Variants in CNGB3 observed in about 807,000 individuals in gnomAD.
CNGB3 encodes the protein cyclic nucleotide-gated channel beta-3.
In CNGB3, 86 loss-of-function variants were observed where a neutral mutation model predicts 92.8. That is an observed-to-expected ratio of 0.93 (90% CI 0.78 to 1.11). The LOEUF (loss-of-function observed/expected upper bound fraction) is 1.11, where lower values mean the gene tolerates loss of function less well. Ranked by LOEUF, CNGB3 falls within the 50% of genes least tolerant of loss-of-function variation. The pLI, the probability that CNGB3 is intolerant of heterozygous loss-of-function variation, is 0.00. For missense variants in CNGB3, 1,026 were observed against 956.8 expected, an observed-to-expected ratio of 1.07 and a Z score of -0.95; for synonymous variants, 333 against 332.7, an observed-to-expected ratio of 1.00 and a Z score of -0.01.
chr8:86,635,820 TGATATATATATATATATA>T (rs1476788644), intron 10 of CNGB3, among the ~76,000 whole-genome samples: 1 of 62,136 alleles, frequency 1.6e-5, no homozygotes, highest in Non-Finnish European at 3.0e-5. Flanking sequence ...GTATAACACA[TGATATATATATATATATA>T]TATATATATA....
In CNGB3 at chr8:86,726,576, A is replaced by G; in HGVS notation, c.293T>C (p.Val98Ala). Residue 98 changes from valine (V) to alanine (A), a missense_variant, in exon 3 of 18, where the codon GTG becomes GCG. By Grantham distance (64) the Val-to-Ala change is moderately conservative. Transcript: ENST00000320005. ...PQNAAEPTGTVPEQKEMDPGK... is the reference protein window; with the variant it reads ...PQNAAEPTGTAPEQKEMDPGK... Reference sequence around the variant, plus strand: ...GGGGTCCATTTCCTTCTGCTCTGGCACTGTTCCAGTTGGTTCTGCTGCATT... The same window carrying G: ...GGGGTCCATTTCCTTCTGCTCTGGCGCTGTTCCAGTTGGTTCTGCTGCATT... 6.2e-7 allele frequency: 1 copy of G among 1,613,762 alleles called. No individual in the cohort carries two copies. The highest frequency in any genetic ancestry group is 2.2e-5 in the East Asian group (1 of 44,882).
At chr8:86,681,127 T>A (rs941205458) in intron 3 of CNGB3, among the ~76,000 whole-genome samples, 2 of 152,164 alleles carry the variant, frequency 1.3e-5, no homozygotes, top group Middle Eastern at 3.4e-3. Context: ...AAAACAAATT[T>A]AAAAACCCCA....
chr8:86,701,239 C>G (rs1220376002), intron 3 of CNGB3, among the ~76,000 whole-genome samples: 1 of 152,096 alleles, frequency 6.6e-6, no homozygotes, highest in Non-Finnish European at 1.5e-5. Flanking sequence ...TTAGAAAAAT[C>G]TCTTTGGCAA....
At chr8:86,739,988 C>G (rs1361690276) in intron 1 of CNGB3, among the ~76,000 whole-genome samples, 1 of 152,164 alleles carries the variant, frequency 6.6e-6, no homozygotes, top group Admixed American at 6.5e-5. Context: ...CACATTCCTT[C>G]AATTGTGGTC....
At chr8:86,688,421 A>G (rs977427667) in intron 3 of CNGB3, among the ~76,000 whole-genome samples, 32 of 152,168 alleles carry the variant, frequency 2.1e-4, no homozygotes, top group African/African-American at 7.5e-4. Context: ...GCAGCATGAT[A>G]TTGAGACCCC....
At chr8:86,691,581 A>G (rs1294114103) in intron 3 of CNGB3, among the ~76,000 whole-genome samples, 1 of 151,868 alleles carries the variant, frequency 6.6e-6, no homozygotes, top group Non-Finnish European at 1.5e-5. Context: ...AGTATCTCCC[A>G]TTTTGTTTCT....
intron 1 of CNGB3, among the ~76,000 whole-genome samples, chr8:86,739,953 G>T (rs1017050592): frequency 6.6e-6 from 1 of 152,162 alleles, no homozygotes; most frequent in Non-Finnish European, 1.5e-5. Flanking sequence ...GGTTTTTTCA[G>T]TGTGGATTCT....
intron 15 of CNGB3, among the ~76,000 whole-genome samples, chr8:86,598,168 A>C (rs1367395224): frequency 6.6e-6 from 1 of 152,174 alleles, no homozygotes; most frequent in African/African-American, 2.4e-5. Context: ...TTTAAGTGGG[A>C]GGGCAGTGAT....
At chr8:86,697,506 A>T (rs10103931) in intron 3 of CNGB3, among the ~76,000 whole-genome samples, 14,470 of 152,170 alleles carry the variant, frequency 0.095, 1,498 homozygotes, top group African/African-American at 0.26. Context: ...CTTGCTATGA[A>T]TTCACTGGTA....
At chr8:86,680,720 C>G (rs949924348) in intron 3 of CNGB3, among the ~76,000 whole-genome samples, 8 of 151,984 alleles carry the variant, frequency 5.3e-5, no homozygotes, top group South Asian at 4.1e-4. Flanking sequence ...CAGTGGTTTT[C>G]CCTCATAGTG....
chr8:86,624,748 C>T (rs1380024483), intron 13 of CNGB3, among the ~76,000 whole-genome samples: 2 of 152,196 alleles, frequency 1.3e-5, no homozygotes, highest in Admixed American at 1.3e-4. Context: ...GTACCACCCT[C>T]ATCCTTCTTA....
chr8:86,603,620 G>A (rs1822353225), intron 15 of CNGB3, among the ~76,000 whole-genome samples: 2 of 152,162 alleles, frequency 1.3e-5, no homozygotes, highest in South Asian at 2.1e-4. Flanking sequence ...TTATTAAGGT[G>A]AGGAAACTGA....
chr8:86,646,982 TG>T (rs932665899), intron 8 of CNGB3, among the ~76,000 whole-genome samples: 9 of 151,156 alleles, frequency 6.0e-5, no homozygotes, highest in African/African-American at 2.2e-4. Context: ...TGCTTTCCCT[TG>T]CCATCTCAGG....
At position 86,600,921 on chromosome 8, in the gene CNGB3, C is replaced by T. The variant is rs189873037; in HGVS notation, c.1781+3172G>A. ...TTGGGATTACAGGCGTGAGCCACCA[C>T]GCCCAGCCTCTAGTTCTTACATTTT... is the stretch of plus-strand genomic sequence containing the variant. On this transcript the variant is annotated intron_variant, in intron 15 of 17. Coordinates refer to ENST00000320005, the MANE Select transcript of CNGB3 (RefSeq NM_019098.5). Among the ~76,000 whole-genome samples the T allele has an allele frequency of 2.6e-3, 398 of 151,824 alleles. 3 individuals carry two copies. Among genetic ancestry groups the T allele is most frequent in the African/African-American group, 8.7e-3 (362 of 41,396 alleles).
chr8:86,643,535 G>GT (rs1288450465), intron 10 of CNGB3, among the ~76,000 whole-genome samples: 1 of 151,058 alleles, frequency 6.6e-6, no homozygotes, highest in Non-Finnish European at 1.5e-5. Flanking sequence ...GATATTTATC[G>GT]TTTTGGGTCT....
Position 86,575,702 on chromosome 8 carries a change from CA to C in CNGB3, c.*101del. On this transcript the variant is annotated 3_prime_UTR_variant, in exon 18 of 18. Transcript: ENST00000320005. ...AGCTAGGGATTTGCCTTTCGTTTCT[CA>C]AGGGTCCCAGCATGTCGTTTCCCCT... 9.5e-7 allele frequency: 1 copy of C among 1,053,402 alleles called. No individual in the cohort carries two copies. The highest frequency in any genetic ancestry group is 2.6e-5 in the East Asian group (1 of 39,070). 65.3% of individuals were successfully genotyped at this position (1,053,402 alleles called of 1,614,324 possible). A position where few individuals can be genotyped will look rare whatever the true frequency, so the allele number is the denominator to read the frequency against.
At chr8:86,699,937 A>G (rs1355997930) in intron 3 of CNGB3, among the ~76,000 whole-genome samples, 2 of 151,468 alleles carry the variant, frequency 1.3e-5, no homozygotes, top group Non-Finnish European at 2.9e-5. Flanking sequence ...TCCTCCCTCT[A>G]TCATCCAATC....
At chr8:86,657,909 A>G in intron 6 of CNGB3, 1 of 547,820 alleles carries the variant, frequency 1.8e-6, no homozygotes, top group Admixed American at 1.9e-5. Context: ...GACCCCTCTG[A>G]CCACCGTGCA....
chr8:86,596,811 T>C (rs897736400), intron 15 of CNGB3, among the ~76,000 whole-genome samples: 1 of 151,958 alleles, frequency 6.6e-6, no homozygotes, highest in Non-Finnish European at 1.5e-5. Flanking sequence ...AAAAAGAAAA[T>C]GTGGCACATA....
Sources: gnomAD v4.1 joint callset for allele counts (sites outside exome capture counted in the v4.1 genomes callset) on GRCh38, gnomAD v4.1.1 for gene constraint, MANE v1.5 for transcripts, NCBI Gene and HGNC (gene_info 2026-07-23, HGNC 2026-07-21) for gene names.